The following NRXN3 variants were observed in gnomAD, a reference collection of about 807,000 sequenced individuals.
The protein encoded by NRXN3 is neurexin 3.
NRXN3 carries 32 observed loss-of-function variants against 137.6 expected under a neutral mutation model. The ratio of observed to expected loss-of-function variants is 0.23; its 90% CI spans 0.18 to 0.31. NRXN3 has a LOEUF of 0.31. Among genes scored for constraint, NRXN3 ranks in the 10% least tolerant of loss-of-function variants. The pLI, the probability that NRXN3 is intolerant of heterozygous loss-of-function variation, is 1.00. For missense variants in NRXN3, 1,574 were observed against 2,062.5 expected, an observed-to-expected ratio of 0.76 and a Z score of 4.59; for synonymous variants, 798 against 784.5, an observed-to-expected ratio of 1.02 and a Z score of -0.29.
chr14:79,356,147 C>T (rs1313990850), intron 15 of NRXN3, among the ~76,000 whole-genome samples: 1 of 152,068 alleles, frequency 6.6e-6, no homozygotes, highest in African/African-American at 2.4e-5. Context: ...TAGGTGAAAT[C>T]TATTCTTTTT....
At chr14:79,021,256 T>C in intron 15 of NRXN3, among the ~76,000 whole-genome samples, 1 of 152,126 alleles carries the variant, frequency 6.6e-6, no homozygotes, top group Non-Finnish European at 1.5e-5. Context: ...AGGTAAACTT[T>C]GAGGTTGCAG....
chr14:78,450,410 G>C (rs1343519056), intron 4 of NRXN3, among the ~76,000 whole-genome samples: 1 of 152,216 alleles, frequency 6.6e-6, no homozygotes, highest in African/African-American at 2.4e-5. Flanking sequence ...TGTTAAATGG[G>C]ATGGAGGCTG....
chr14:78,382,561 G>A (rs1443381238), intron 4 of NRXN3, among the ~76,000 whole-genome samples: 1 of 152,180 alleles, frequency 6.6e-6, no homozygotes, highest in African/African-American at 2.4e-5. Context: ...AACCCTTGTG[G>A]TTACCTGGAA....
chr14:79,240,273 T>G (rs1368882047), intron 15 of NRXN3, among the ~76,000 whole-genome samples: 2 of 152,082 alleles, frequency 1.3e-5, no homozygotes, highest in Non-Finnish European at 2.9e-5. Context: ...CTTCTCCATA[T>G]GCAAATGTAT....
At chr14:79,577,354 A>G (rs2153806442) in intron 16 of NRXN3, among the ~76,000 whole-genome samples, 1 of 152,316 alleles carries the variant, frequency 6.6e-6, no homozygotes, top group East Asian at 1.9e-4. Context: ...TATAATTAAG[A>G]TAGTCTATTT....
At chr14:79,008,866 C>A (rs1232473684) in intron 15 of NRXN3, among the ~76,000 whole-genome samples, 4 of 152,014 alleles carry the variant, frequency 2.6e-5, no homozygotes, top group Non-Finnish European at 5.9e-5. Context: ...ACCATCTTGG[C>A]CAGGCTGGTC....
At chr14:79,856,475 A>AAAAG (rs1429409102) in intron 20 of NRXN3, among the ~76,000 whole-genome samples, 1 of 152,188 alleles carries the variant, frequency 6.6e-6, no homozygotes, top group African/African-American at 2.4e-5. Flanking sequence ...CAAATATATA[A>AAAAG]AAAGAATTCA....
intron 19 of NRXN3, among the ~76,000 whole-genome samples, chr14:79,778,883 T>C (rs1229153312): frequency 6.6e-6 from 1 of 152,206 alleles, no homozygotes; most frequent in Non-Finnish European, 1.5e-5. Flanking sequence ...TGTAATATAG[T>C]GGTGAAGAGA....
intron 8 of NRXN3, among the ~76,000 whole-genome samples, chr14:78,723,044 T>A (rs2098467122): frequency 6.6e-6 from 1 of 151,926 alleles, no homozygotes; most frequent in Non-Finnish European, 1.5e-5. Context: ...GGAGGAGGGA[T>A]TTGAGGGGAA....
At chr14:79,279,824 A>G (rs1052764552) in intron 15 of NRXN3, 4 of 992,892 alleles carry the variant, frequency 4.0e-6, no homozygotes, top group Non-Finnish European at 3.6e-6. Context: ...AAAATGTTCA[A>G]ACTCCTTGGA....
chr14:79,449,044 C>T (rs1381010681), intron 15 of NRXN3, among the ~76,000 whole-genome samples: 2 of 152,062 alleles, frequency 1.3e-5, no homozygotes, highest in Admixed American at 6.6e-5. Flanking sequence ...TAAATTCTCT[C>T]GCAGAACAAA....
intron 8 of NRXN3, among the ~76,000 whole-genome samples, chr14:78,752,960 G>T (rs1204291763): frequency 6.6e-6 from 1 of 152,136 alleles, no homozygotes; most frequent in Non-Finnish European, 1.5e-5. Context: ...CTCAGCATTG[G>T]CCCACGCACA....
chr14:78,317,256 A>AC (rs2078813011), intron 4 of NRXN3, among the ~76,000 whole-genome samples: 1 of 152,002 alleles, frequency 6.6e-6, no homozygotes, highest in African/African-American at 2.4e-5. Context: ...GGAGTCTCCA[A>AC]CCCCCAGGCT....
intron 14 of NRXN3, among the ~76,000 whole-genome samples, chr14:78,986,590 A>G (rs1567905457): frequency 6.6e-6 from 1 of 152,226 alleles, no homozygotes; most frequent in Non-Finnish European, 1.5e-5. Context: ...TATTATTCTT[A>G]TATATTAACA....
chr14:79,044,711 AC>A (rs1212698156), intron 15 of NRXN3, among the ~76,000 whole-genome samples: 10 of 152,118 alleles, frequency 6.6e-5, no homozygotes, highest in Non-Finnish European at 1.3e-4. Context: ...ACACACACAC[AC>A]ACACACACAC....
intron 10 of NRXN3, among the ~76,000 whole-genome samples, chr14:78,882,254 C>A (rs2099131185): frequency 6.6e-6 from 1 of 151,764 alleles, no homozygotes; most frequent in Admixed American, 6.5e-5. Flanking sequence ...TTGGAGCCCC[C>A]ACACGGAGTC....
chr14:78,367,384 A>T (rs1256302097), intron 4 of NRXN3, among the ~76,000 whole-genome samples: 1 of 152,108 alleles, frequency 6.6e-6, no homozygotes, highest in African/African-American at 2.4e-5. Flanking sequence ...AAATTAAAAA[A>T]TCAATCAATC....
intron 15 of NRXN3, among the ~76,000 whole-genome samples, chr14:79,067,734 T>C (rs558148082): frequency 6.6e-6 from 1 of 152,182 alleles, no homozygotes; most frequent in South Asian, 2.1e-4. Context: ...TCCAGTCTAA[T>C]GACCTCATTT....
At chr14:78,926,215 GTGTTTTTCC>G (rs2099289977) in intron 10 of NRXN3, among the ~76,000 whole-genome samples, 1 of 151,930 alleles carries the variant, frequency 6.6e-6, no homozygotes, top group Non-Finnish European at 1.5e-5. Flanking sequence ...TATATACACT[GTGTTTTTCC>G]TACATATACC....
Sources: gnomAD v4.1 joint callset for allele counts (sites outside exome capture counted in the v4.1 genomes callset) on GRCh38, gnomAD v4.1.1 for gene constraint, MANE v1.5 for transcripts, NCBI Gene and HGNC (gene_info 2026-07-23, HGNC 2026-07-21) for gene names.